The following ANKS6 variants were observed in gnomAD, a reference collection of about 807,000 sequenced individuals.
The protein encoded by ANKS6 is ankyrin repeat and SAM domain-containing protein 6.
A neutral mutation model predicts 77.9 loss-of-function variants in ANKS6; 47 were observed. That is an observed-to-expected ratio of 0.60 (90% CI 0.48 to 0.77). The LOEUF (loss-of-function observed/expected upper bound fraction) is 0.77, where lower values mean the gene tolerates loss of function less well. ANKS6 is among the 30% of genes least tolerant of loss of function. The pLI is 0.00. For synonymous variants in ANKS6, 488 were observed against 501.7 expected, an observed-to-expected ratio of 0.97 and a Z score of 0.37; for missense variants, 1,150 against 1,159.1, an observed-to-expected ratio of 0.99 and a Z score of 0.11.
rs1831421063 is a variant in ANKS6, at chr9:98,735,051, G to C, written c.*1468C>G. On this transcript the variant is annotated 3_prime_UTR_variant, in exon 15 of 15. Transcript: ENST00000353234. Reference sequence around the variant, plus strand: ...ATGGCTGGGGGAGGGACAGATGAGAGATGGCACCTCCCAAGGAGACCAACT... The same window carrying C: ...ATGGCTGGGGGAGGGACAGATGAGACATGGCACCTCCCAAGGAGACCAACT... 11 of 985,428 alleles carry C rather than the reference G, an allele frequency of 1.1e-5. No individual in the cohort carries two copies. The highest frequency in any genetic ancestry group is 1.3e-5 in the Non-Finnish European group (11 of 829,934). 61.0% of individuals were successfully genotyped at this position (985,428 alleles called of 1,614,324 possible). A position where few individuals can be genotyped will look rare whatever the true frequency, so the allele number is the denominator to read the frequency against.
chr9:98,761,164 G>T (rs562217007), intron 11 of ANKS6, among the ~76,000 whole-genome samples: 2 of 152,086 alleles, frequency 1.3e-5, no homozygotes, highest in East Asian at 3.9e-4. Context: ...ATGCTTATTT[G>T]CCATCTTTAT....
At chr9:98,774,969 T>TG (rs370075888) in intron 8 of ANKS6, among the ~76,000 whole-genome samples, 17 of 152,280 alleles carry the variant, frequency 1.1e-4, no homozygotes, top group East Asian at 1.9e-4. Context: ...CCACCCATTA[T>TG]GGGGGGGCAG....
At chr9:98,769,131 AAAAAAAAAAAAG>A (rs1472345771) in intron 10 of ANKS6, among the ~76,000 whole-genome samples, 1 of 151,618 alleles carries the variant, frequency 6.6e-6, no homozygotes, top group Non-Finnish European at 1.5e-5. Flanking sequence ...CTCAAAGAAA[AAAAAAAAAAAAG>A]AAAGAAAGAA....
chr9:98,772,675 C>T (rs566210805), intron 9 of ANKS6, among the ~76,000 whole-genome samples: 6 of 152,300 alleles, frequency 3.9e-5, no homozygotes, highest in Non-Finnish European at 8.8e-5. Flanking sequence ...GCTGAGTAAG[C>T]GAAACAGAAC....
chr9:98,756,184 T>G (rs111239162), intron 12 of ANKS6, among the ~76,000 whole-genome samples: 8 of 152,302 alleles, frequency 5.3e-5, no homozygotes, highest in African/African-American at 1.9e-4. Flanking sequence ...TGTTTGTGCA[T>G]GTAAACAAAA....
At chr9:98,780,926 G>C (rs1175551377) in intron 5 of ANKS6, among the ~76,000 whole-genome samples, 2 of 144,826 alleles carry the variant, frequency 1.4e-5, no homozygotes, top group African/African-American at 5.1e-5. Flanking sequence ...TTTGGAGACA[G>C]AGTCTTGCTC....
In ANKS6 at chr9:98,736,253, T is replaced by G; in HGVS notation, c.*266A>C. 1 of 1,289,552 alleles carries G rather than the reference T, an allele frequency of 7.8e-7. No individual in the cohort carries two copies. Among genetic ancestry groups the G allele is most frequent in the Non-Finnish European group, 9.8e-7 (1 of 1,020,168 alleles). The allele number at this position is 1,289,552 out of a possible 1,614,324, so 79.9% of individuals were successfully genotyped here. ...GGGCAGAGCACAGGATGAAAGGAGCTGAGTCCCTGCATCACTGTGTGAACC... is the reference window on the plus strand; with the variant it reads ...GGGCAGAGCACAGGATGAAAGGAGCGGAGTCCCTGCATCACTGTGTGAACC... On this transcript the variant is annotated 3_prime_UTR_variant, in exon 15 of 15. Coordinates refer to ENST00000353234, the MANE Select transcript of ANKS6 (RefSeq NM_173551.5).
chr9:98,737,105 T>C (rs926364947), intron 14 of ANKS6, among the ~76,000 whole-genome samples: 12 of 152,180 alleles, frequency 7.9e-5, no homozygotes, highest in African/African-American at 2.7e-4. Context: ...TCTCACTCTA[T>C]TCCTACAACG....
intron 14 of ANKS6, among the ~76,000 whole-genome samples, chr9:98,744,713 GA>G (rs144493044): frequency 6.6e-6 from 1 of 151,256 alleles, no homozygotes; most frequent in Non-Finnish European, 1.5e-5. Flanking sequence ...AACAAAAAAA[GA>G]AAAAAAAGAG....
chr9:98,784,514 GAA>G (rs749118366), intron 3 of ANKS6: 413 of 413,392 alleles, frequency 1.0e-3, no homozygotes, highest in Admixed American at 1.6e-3. Flanking sequence ...TATCAAGAGA[GAA>G]AATTTTAGGC....
chr9:98,783,834 G>A (rs1386078291), intron 4 of ANKS6, 119 bp downstream of exon 4: 34 of 794,388 alleles, frequency 4.3e-5, no homozygotes, highest in East Asian at 1.3e-4. Context: ...CCTCAATGTC[G>A]TCATAGTCCT....
chr9:98,771,396 T>TCAGCACCGCCGGGCACAGTGAC, intron 9 of ANKS6, among the ~76,000 whole-genome samples: 1 of 152,106 alleles, frequency 6.6e-6, no homozygotes, highest in Non-Finnish European at 1.5e-5. Flanking sequence ...TCCAGCCCCC[T>TCAGCACCGCCGGGCACAGTGAC]CAGCACCGCC....
At chr9:98,736,902 G>T (rs568790188) in intron 14 of ANKS6, among the ~76,000 whole-genome samples, 1 of 152,216 alleles carries the variant, frequency 6.6e-6, no homozygotes, top group South Asian at 2.1e-4. Context: ...TCCGGGGCAG[G>T]ACTGACTTCT....
rs750354207 is a variant in ANKS6 at position 98,777,410 on chromosome 9, TTGTCAATAACG to T, written c.1601_1611del (p.Thr534AsnfsTer15). 1 of 1,614,026 alleles carries T rather than the reference TTGTCAATAACG, an allele frequency of 6.2e-7. No homozygotes were observed. The highest frequency in any genetic ancestry group is 1.3e-5 in the African/African-American group (1 of 74,908). On this transcript the variant is annotated frameshift_variant, in exon 8 of 15. Coordinates refer to ENST00000353234, the MANE Select transcript of ANKS6 (RefSeq NM_173551.5). LOFTEE classifies it high-confidence loss of function. The stretch of plus-strand genomic sequence containing the variant: ...TAGAAAAGCCCCACACTCACCATGG[TTGTCAATAACG>T]TGTCTTCCTTTTCTCCTCTTGTGCT...
At chr9:98,746,750 T>C (rs532202464) in intron 13 of ANKS6, among the ~76,000 whole-genome samples, 3 of 152,296 alleles carry the variant, frequency 2.0e-5, no homozygotes, top group East Asian at 1.9e-4. Flanking sequence ...CTGAGGGCAG[T>C]AGCCCCCTTG....
At chr9:98,779,169 C>T (rs1834088110) in intron 6 of ANKS6, among the ~76,000 whole-genome samples, 1 of 152,200 alleles carries the variant, frequency 6.6e-6, no homozygotes, top group Non-Finnish European at 1.5e-5. Flanking sequence ...GGTCAGCAGA[C>T]AAGACCAGTG....
At chr9:98,770,304 C>T (rs1833548476) in intron 10 of ANKS6, among the ~76,000 whole-genome samples, 1 of 152,150 alleles carries the variant, frequency 6.6e-6, no homozygotes, top group Admixed American at 6.5e-5. Flanking sequence ...GTCCATTAAA[C>T]CTCTTTTTCT....
chr9:98,771,145 C>T, intron 9 of ANKS6, 99 bp from the exon 10 acceptor site: 1 of 1,302,128 alleles, frequency 7.7e-7, no homozygotes, highest in South Asian at 2.4e-5. Flanking sequence ...CTGGTGCATA[C>T]CCCACCAAAG....
chr9:98,784,758 G>A (rs1834469889), intron 3 of ANKS6, 74 bp downstream of exon 3: 2 of 1,412,382 alleles, frequency 1.4e-6, no homozygotes, highest in Admixed American at 1.9e-5. Context: ...CCCTGCAAAG[G>A]ACTACAAATA....
Sources: gnomAD v4.1 joint callset for allele counts (sites outside exome capture counted in the v4.1 genomes callset) on GRCh38, gnomAD v4.1.1 for gene constraint, MANE v1.5 for transcripts, NCBI Gene and HGNC (gene_info 2026-07-23, HGNC 2026-07-21) for gene names.